The following ATRNL1 variants were observed in gnomAD, a reference collection of about 807,000 sequenced individuals.
ATRNL1 encodes attractin like 1, also known as attractin-like protein 1.
A neutral mutation model predicts 182.7 loss-of-function variants in ATRNL1; 95 were observed. The ratio of observed to expected loss-of-function variants is 0.52; its 90% CI spans 0.44 to 0.62. ATRNL1 has a LOEUF of 0.62. Among genes scored for constraint, ATRNL1 ranks in the 20% least tolerant of loss-of-function variants. The pLI is 0.00. For missense variants in ATRNL1, 1,471 were observed against 1,679.5 expected (o/e 0.88, Z 2.17); for synonymous variants, 576 against 568.3 (o/e 1.01, Z -0.19).
chr10:115,893,324 T>A (rs1251352902), intron 28 of ATRNL1, among the ~76,000 whole-genome samples: 5 of 151,638 alleles, frequency 3.3e-5, no homozygotes, highest in African/African-American at 1.2e-4. Context: ...TTTAAAAGAG[T>A]ATGTATGAGA....
At chr10:115,112,011 G>A (rs1383106749) in intron 1 of ATRNL1, among the ~76,000 whole-genome samples, 1 of 151,448 alleles carries the variant, frequency 6.6e-6, no homozygotes, top group Non-Finnish European at 1.5e-5. Context: ...ATCTGATAAA[G>A]AAGTTAGGAA....
intron 26 of ATRNL1, among the ~76,000 whole-genome samples, chr10:115,604,505 T>G (rs1555017020): frequency 1.3e-5 from 2 of 152,098 alleles, no homozygotes; most frequent in African/African-American, 4.8e-5. Flanking sequence ...TTGTCTGCCT[T>G]TGTGCCTTTT....
intron 20 of ATRNL1, among the ~76,000 whole-genome samples, chr10:115,417,312 C>T (rs1161201297): frequency 6.6e-6 from 1 of 152,180 alleles, no homozygotes; most frequent in East Asian, 1.9e-4. Context: ...GACTCCAGCC[C>T]TCTACAGTTG....
At chr10:115,325,374 C>A (rs1268342602) in intron 18 of ATRNL1, among the ~76,000 whole-genome samples, 3 of 152,184 alleles carry the variant, frequency 2.0e-5, no homozygotes, top group African/African-American at 7.2e-5. Flanking sequence ...GGGAATAGAA[C>A]ATAACCATAG....
At chr10:115,145,514 A>G (rs1829839903) in intron 5 of ATRNL1, among the ~76,000 whole-genome samples, 1 of 152,188 alleles carries the variant, frequency 6.6e-6, no homozygotes. Context: ...ACAGATTGTC[A>G]GAATAGTTGT....
chr10:115,138,858 G>A (rs1178049739), intron 5 of ATRNL1, among the ~76,000 whole-genome samples: 8 of 152,176 alleles, frequency 5.3e-5, no homozygotes, highest in African/African-American at 1.9e-4. Flanking sequence ...CTTTTCTATG[G>A]CATTGTCAGG....
At chr10:115,613,077 C>G (rs1857248120) in intron 26 of ATRNL1, among the ~76,000 whole-genome samples, 1 of 152,186 alleles carries the variant, frequency 6.6e-6, no homozygotes, top group African/African-American at 2.4e-5. Context: ...ATGGCCGCAA[C>G]AAGTATGTTT....
At chr10:115,175,488 T>C (rs77988601) in intron 8 of ATRNL1, among the ~76,000 whole-genome samples, 1,859 of 152,222 alleles carry the variant, frequency 0.012, 33 homozygotes, top group African/African-American at 0.041. Context: ...CAAAATACTA[T>C]GTCTAAATAA....
At chr10:115,274,551 A>T (rs987820622) in intron 13 of ATRNL1, among the ~76,000 whole-genome samples, 1 of 152,212 alleles carries the variant, frequency 6.6e-6, no homozygotes, top group Non-Finnish European at 1.5e-5. Flanking sequence ...TCTTGCCAGT[A>T]AGTCTAGAGT....
chr10:115,655,685 T>C lies in ATRNL1; in HGVS notation c.3796-71563T>C, dbSNP rs537265221. 2.6e-5 allele frequency among the ~76,000 whole-genome samples: 4 copies of C among 152,334 alleles called. No homozygotes were observed. The East Asian group carries it at 5.8e-4, about 22-fold the overall frequency. ...ATCCAAGTCAATTTCAGTTTTTCCA[T>C]ATATTAATGAATAAAACTTAAAATA... On this transcript the variant is annotated intron_variant, in intron 26 of 28. Coordinates refer to ENST00000355044, the MANE Select transcript of ATRNL1 (RefSeq NM_207303.4).
At chr10:115,522,267 G>T (rs1213490136) in intron 25 of ATRNL1, among the ~76,000 whole-genome samples, 2 of 152,154 alleles carry the variant, frequency 1.3e-5, no homozygotes, top group Non-Finnish European at 2.9e-5. Flanking sequence ...GAAGTAGGGT[G>T]CCAGCATGTG....
At chr10:115,254,817 G>A (rs1311748204) in intron 10 of ATRNL1, among the ~76,000 whole-genome samples, 2 of 152,108 alleles carry the variant, frequency 1.3e-5, no homozygotes, top group Admixed American at 1.3e-4. Flanking sequence ...TTTGTATAAG[G>A]TGTAAGGAAG....
Position 115,727,253 on chromosome 10 carries a change from G to T in ATRNL1, c.3801G>T (p.Leu1267=), listed in dbSNP as rs2254619. The T allele has an allele frequency of 0.37, 590,158 of 1,611,096 alleles. 115,829 individuals carry two copies. The highest frequency in any genetic ancestry group is 0.41 in the Non-Finnish European group (477,293 of 1,177,392). Residue 1267 remains leucine (L), a synonymous_variant, in exon 27 of 29, where the codon CTG becomes CTT. Transcript: ENST00000355044. ...TCATTTTTAACCCCCTCCAGCAACT[G>T]CTTCGAGAACGACAGCAGATGGCCA... ...TCWASRRREQ[L]LRERQQMASR...
At chr10:115,154,614 T>G (rs188817356) in intron 5 of ATRNL1, among the ~76,000 whole-genome samples, 3 of 152,238 alleles carry the variant, frequency 2.0e-5, no homozygotes, top group African/African-American at 7.2e-5. Flanking sequence ...TCCTAACATA[T>G]AGTCTATCCT....
At chr10:115,225,645 A>T (rs1482138799) in intron 9 of ATRNL1, among the ~76,000 whole-genome samples, 1 of 150,988 alleles carries the variant, frequency 6.6e-6, no homozygotes, top group Non-Finnish European at 1.5e-5. Context: ...TAATAACCTA[A>T]GGAATAAATC....
At chr10:115,275,474 C>G (rs1278341958) in intron 13 of ATRNL1, among the ~76,000 whole-genome samples, 1 of 152,172 alleles carries the variant, frequency 6.6e-6, no homozygotes, top group East Asian at 1.9e-4. Context: ...CTCAACTCAC[C>G]AATGCCATAG....
At chr10:115,681,952 G>A (rs72641355) in intron 26 of ATRNL1, among the ~76,000 whole-genome samples, 3,656 of 152,172 alleles carry the variant, frequency 0.024, 127 homozygotes, top group East Asian at 0.19. Flanking sequence ...GAGATACAAT[G>A]CAGTGGTTAA....
At chr10:115,532,348 C>T (rs1179290252) in intron 25 of ATRNL1, among the ~76,000 whole-genome samples, 1 of 152,034 alleles carries the variant, frequency 6.6e-6, no homozygotes, top group Non-Finnish European at 1.5e-5. Context: ...CCTTCACATC[C>T]CTTGTAAGTT....
chr10:115,816,467 G>A (rs1248945773), intron 27 of ATRNL1, among the ~76,000 whole-genome samples: 2 of 152,064 alleles, frequency 1.3e-5, no homozygotes, highest in South Asian at 2.1e-4. Context: ...ATTTAACATC[G>A]TTAGTAATGT....
Sources: allele counts gnomAD v4.1 joint callset (sites outside exome capture counted in the v4.1 genomes callset), GRCh38; gene constraint gnomAD v4.1.1; transcripts MANE v1.5; gene names NCBI Gene and HGNC (gene_info 2026-07-23, HGNC 2026-07-21).